The following MTMR3 variants were observed in gnomAD, a reference collection of about 807,000 sequenced individuals.
MTMR3 encodes phosphatidylinositol-3,5-bisphosphate 3-phosphatase MTMR3.
In MTMR3, 32 loss-of-function variants were observed where a neutral mutation model predicts 132.4. The ratio of observed to expected loss-of-function variants is 0.24; its 90% confidence interval spans 0.18 to 0.32. The LOEUF is 0.32. Among genes scored for constraint, MTMR3 ranks in the 10% least tolerant of loss-of-function variants. The probability of loss-of-function intolerance (pLI) is 1.00; values close to 1 mark genes in which losing one functional copy is unlikely to be tolerated. For synonymous variants in MTMR3, 556 were observed against 550.3 expected (o/e 1.01, Z -0.14); for missense variants, 1,216 against 1,489.6 (o/e 0.82, Z 3.02).
chr22:29,938,888 C>G (rs2065802061), intron 1 of MTMR3, among the ~76,000 whole-genome samples: 1 of 151,898 alleles, frequency 6.6e-6, no homozygotes, highest in Admixed American at 6.6e-5. Flanking sequence ...GTGTCGTGAT[C>G]TCAGCTCACT....
intron 1 of MTMR3, among the ~76,000 whole-genome samples, chr22:29,903,428 A>C (rs1324408595): frequency 1.6e-5 from 2 of 125,864 alleles, no homozygotes; most frequent in Non-Finnish European, 3.2e-5. Context: ...TCTTACTGTC[A>C]TCCAGGCTGG....
intron 10 of MTMR3, chr22:30,007,690 G>A (rs2067302788): frequency 1.7e-6 from 1 of 602,308 alleles, no homozygotes; most frequent in Non-Finnish European, 2.9e-6. Context: ...GTGTACTCTG[G>A]GAGTCAGTTT....
chr22:29,980,563 TA>T (rs905851639), intron 5 of MTMR3: 4 of 152,234 alleles, frequency 2.6e-5, no homozygotes, highest in African/African-American at 9.6e-5. Context: ...TAGTGTTTAG[TA>T]GAACTGCCCA....
intron 3 of MTMR3, among the ~76,000 whole-genome samples, chr22:29,976,141 C>A (rs1453412518): frequency 1.4e-5 from 2 of 145,536 alleles, no homozygotes; most frequent in East Asian, 4.0e-4. Context: ...TTTTTTAAAT[C>A]ACACTTGGTA....
chr22:29,943,430 T>C (rs2065895024), intron 1 of MTMR3, among the ~76,000 whole-genome samples: 1 of 152,156 alleles, frequency 6.6e-6, no homozygotes, highest in Admixed American at 6.5e-5. Flanking sequence ...GACCTCGTGA[T>C]CCGCCCGTCT....
At chr22:29,972,757 G>GA (rs756837059) in intron 3 of MTMR3, among the ~76,000 whole-genome samples, 11 of 152,196 alleles carry the variant, frequency 7.2e-5, no homozygotes, top group Non-Finnish European at 1.5e-4. Flanking sequence ...TTTCAGTAGA[G>GA]ACGGGGTTTC....
At chr22:29,898,295 C>A (rs1161515278) in intron 1 of MTMR3, among the ~76,000 whole-genome samples, 1 of 152,150 alleles carries the variant, frequency 6.6e-6, no homozygotes, top group Non-Finnish European at 1.5e-5. Context: ...TAAATTAGCT[C>A]TTTTTCTCCC....
chr22:30,007,278 G>A lies in MTMR3; in HGVS notation c.836G>A (p.Arg279Gln), dbSNP rs767584169. The A allele has an allele frequency of 1.2e-5, 19 of 1,614,062 alleles. No homozygotes were observed. Among genetic ancestry groups the A allele is most frequent in the Middle Eastern group, 3.3e-4 (2 of 6,082 alleles). ...GSKLSTRNTS[R>Q]DFPNGGDLSD... Reference sequence around the variant, plus strand: ...AAGCTGTCAACTAGGAACACTTCTCGAGACTTTCCCAATGGGGGAGACCTT... The same window carrying A: ...AAGCTGTCAACTAGGAACACTTCTCAAGACTTTCCCAATGGGGGAGACCTT... Residue 279 changes from arginine (R) to glutamine (Q), a missense_variant, in exon 10 of 20, where the codon CGA becomes CAA. Arg to Gln is a conservative substitution (Grantham distance 43). This residue lies in a region of MTMR3 where 47 missense variants were observed against 46.8 expected (regional missense o/e 1.00). Coordinates refer to ENST00000401950, the MANE Select transcript of MTMR3 (RefSeq NM_021090.4).
chr22:29,948,668 G>A (rs1024589176), intron 1 of MTMR3, among the ~76,000 whole-genome samples: 1 of 152,006 alleles, frequency 6.6e-6, no homozygotes, highest in Admixed American at 6.6e-5. Context: ...TAAAAAGGAT[G>A]GAGTTTAGAA....
At chr22:30,016,732 C>A (rs1009515712) in intron 15 of MTMR3, 34 bp downstream of exon 15, 1 of 1,581,058 alleles carries the variant, frequency 6.3e-7, no homozygotes, top group Non-Finnish European at 8.6e-7. Context: ...CTGTGGTCAG[C>A]AGAAGGAATT....
At chr22:29,885,583 G>A (rs1390243406) in intron 1 of MTMR3, among the ~76,000 whole-genome samples, 1 of 152,146 alleles carries the variant, frequency 6.6e-6, no homozygotes, top group African/African-American at 2.4e-5. Flanking sequence ...GTCGGCTTCT[G>A]GCTCATAAAG....
chr22:29,957,918 AGTT>A (rs920615050), intron 2 of MTMR3, among the ~76,000 whole-genome samples: 22 of 152,222 alleles, frequency 1.4e-4, no homozygotes, highest in Admixed American at 4.6e-4. Context: ...TTTTGTTATT[AGTT>A]GTTGTTAATC....
chr22:29,888,294 G>T (rs1279380003), intron 1 of MTMR3, among the ~76,000 whole-genome samples: 5 of 152,056 alleles, frequency 3.3e-5, no homozygotes, highest in African/African-American at 7.2e-5. Context: ...TAGTCCTCCT[G>T]CTTTGGCCTC....
chr22:29,965,363 C>T (rs900336350), intron 2 of MTMR3, among the ~76,000 whole-genome samples: 52 of 151,940 alleles, frequency 3.4e-4, no homozygotes, highest in African/African-American at 1.2e-3. Context: ...CTTTTAATGC[C>T]GAGTGGCAAA....
At chr22:29,998,652 A>G (rs2067109675) in intron 7 of MTMR3, 109 bp from the exon 8 acceptor site, 1 of 543,028 alleles carries the variant, frequency 1.8e-6, no homozygotes, top group Non-Finnish European at 3.0e-6. Context: ...CAAAAAATAT[A>G]TATATATTTA....
chr22:29,893,317 T>G lies in MTMR3; in HGVS notation c.-138+9958T>G, dbSNP rs562975772. On this transcript the variant is annotated intron_variant, in intron 1 of 19. Coordinates refer to ENST00000401950, the MANE Select transcript of MTMR3 (RefSeq NM_021090.4). ...ACTTTCATGGTGACAAAAAAAATAC[T>G]CTTAATGTCATTCCTTTCACTGTGT... Among the ~76,000 whole-genome samples the G allele has an allele frequency of 4.6e-5, 7 of 152,342 alleles. No individual in the cohort carries two copies. The South Asian group carries it at 1.2e-3, about 27-fold the overall frequency.
chr22:29,920,527 G>A (rs1229689944), intron 1 of MTMR3, among the ~76,000 whole-genome samples: 2 of 152,104 alleles, frequency 1.3e-5, no homozygotes, highest in African/African-American at 4.8e-5. Flanking sequence ...TGAATGTTAT[G>A]TTATATTTGT....
intron 1 of MTMR3, among the ~76,000 whole-genome samples, chr22:29,909,289 G>C (rs1465074493): frequency 2.0e-5 from 3 of 152,028 alleles, no homozygotes; most frequent in Non-Finnish European, 4.4e-5. Flanking sequence ...CCAACCCCCA[G>C]TGATACAGAC....
rs192636840 is a variant in MTMR3, at chr22:29,925,128, G to A, written c.-137-31908G>A. Among the ~76,000 whole-genome samples, 391 of 152,296 alleles carry A rather than the reference G, an allele frequency of 2.6e-3. 1 individual carries two copies. The highest frequency in any genetic ancestry group is 9.0e-3 in the African/African-American group (374 of 41,560). On this transcript the variant is annotated intron_variant, in intron 1 of 19. Coordinates refer to ENST00000401950, the MANE Select transcript of MTMR3 (RefSeq NM_021090.4). ...GCTCACTGTAGCTGGCTCCTCCGAGGCTCAGGGGATCCTCCCACCTTATCC... is the reference window on the plus strand; with the variant it reads ...GCTCACTGTAGCTGGCTCCTCCGAGACTCAGGGGATCCTCCCACCTTATCC...
Sources: gnomAD v4.1 joint callset for allele counts (sites outside exome capture counted in the v4.1 genomes callset) on GRCh38, gnomAD v4.1.1 for gene constraint, gnomAD v4.1.1 regional missense constraint, MANE v1.5 for transcripts, NCBI Gene and HGNC (gene_info 2026-07-23, HGNC 2026-07-21) for gene names.